FARP1: variants seen among roughly 807,000 people sequenced by gnomAD.
The protein encoded by FARP1 is FERM, ARH/RhoGEF and pleckstrin domain protein 1.
Under a neutral mutation model 128.8 loss-of-function variants are expected in FARP1, and 52 were observed. That is an observed-to-expected ratio of 0.40 (90% CI 0.32 to 0.51). The LOEUF is 0.51. FARP1 is among the 20% of genes least tolerant of loss of function. The probability of loss-of-function intolerance (pLI) is 0.45; values close to 1 mark genes in which losing one functional copy is unlikely to be tolerated. For synonymous variants in FARP1, 580 were observed against 551.8 expected (o/e 1.05, Z -0.72); for missense variants, 1,333 against 1,367.9 (o/e 0.97, Z 0.40).
At position 98,176,368 on chromosome 13, in the gene FARP1, C is replaced by T; in HGVS notation, c.-24+32876C>T. ...GCCGGTTGGCTGGTCACAGATGTAG[C>T]AGCGCGGGGTGGCCCGGAAGTGCTC... On this transcript the variant is annotated intron_variant, in intron 1 of 26. Coordinates refer to ENST00000319562, the MANE Select transcript of FARP1 (RefSeq NM_005766.4). This position sits in a 1 kb window ranked among gnomAD's most constrained non-coding sequence, Gnocchi z 6.2. 6.2e-7 allele frequency: 1 copy of T among 1,614,240 alleles called. No homozygotes were observed. The highest frequency in any genetic ancestry group is 8.5e-7 in the Non-Finnish European group (1 of 1,180,040).
intron 2 of FARP1, among the ~76,000 whole-genome samples, chr13:98,216,069 G>A (rs1463102103): frequency 1.3e-5 from 2 of 152,158 alleles, no homozygotes; most frequent in African/African-American, 4.8e-5. Flanking sequence ...GATTACAGGT[G>A]GGAGCCATCA....
At chr13:98,271,563 C>T (rs73556876) in intron 2 of FARP1, among the ~76,000 whole-genome samples, 4,313 of 152,226 alleles carry the variant, frequency 0.028, 179 homozygotes, top group African/African-American at 0.094. Context: ...CCTGCCCTTT[C>T]TCCCCACCCC....
At chr13:98,253,215 GA>G (rs1299691012) in intron 2 of FARP1, among the ~76,000 whole-genome samples, 1 of 152,216 alleles carries the variant, frequency 6.6e-6, no homozygotes, top group African/African-American at 2.4e-5. Flanking sequence ...AAGCATTAAG[GA>G]ATGCTGTTAA....
chr13:98,227,451 T>TGAA (rs1881860282), intron 2 of FARP1, among the ~76,000 whole-genome samples: 1 of 141,524 alleles, frequency 7.1e-6, no homozygotes, highest in African/African-American at 2.6e-5. Flanking sequence ...TGGCTACTAT[T>TGAA]AAAAAAAAAA....
chr13:98,389,866 C>G (rs760185277), intron 9 of FARP1, 91 bp from the exon 10 acceptor site: 2 of 1,283,306 alleles, frequency 1.6e-6, no homozygotes, highest in African/African-American at 1.5e-5. Flanking sequence ...AAAACTTTAT[C>G]GGACAAAGCT....
At chr13:98,321,835 C>T (rs1164821552) in intron 2 of FARP1, among the ~76,000 whole-genome samples, 1 of 152,214 alleles carries the variant, frequency 6.6e-6, no homozygotes, top group Non-Finnish European at 1.5e-5. Flanking sequence ...TTTGATGTCA[C>T]CACCTTCCAG....
chr13:98,188,771 AGAAGTCCCTGC>A (rs1222302023), intron 1 of FARP1, among the ~76,000 whole-genome samples: 5 of 152,138 alleles, frequency 3.3e-5, no homozygotes, highest in African/African-American at 1.2e-4. Context: ...CTTCCTTGAG[AGAAGTCCCTGC>A]GAAGTCCTCC....
At chr13:98,211,948 CACAGT>C (rs1279903960) in intron 1 of FARP1, among the ~76,000 whole-genome samples, 1 of 152,252 alleles carries the variant, frequency 6.6e-6, no homozygotes, top group Non-Finnish European at 1.5e-5. Flanking sequence ...TTAAGGGCAT[CACAGT>C]GCCTTCTCCA....
chr13:98,245,793 G>T (rs1883016008), intron 2 of FARP1, among the ~76,000 whole-genome samples: 1 of 151,952 alleles, frequency 6.6e-6, no homozygotes. Flanking sequence ...TTTGGAGAGG[G>T]AGTCTCACTC....
intron 24 of FARP1, among the ~76,000 whole-genome samples, chr13:98,444,134 T>C (rs1892673520): frequency 6.6e-6 from 1 of 151,556 alleles, no homozygotes; most frequent in South Asian, 2.1e-4. Context: ...ACTCCACCCA[T>C]GTTGCAGGGC....
At chr13:98,350,081 C>T (rs1158385548) in intron 3 of FARP1, among the ~76,000 whole-genome samples, 1 of 152,108 alleles carries the variant, frequency 6.6e-6, no homozygotes, top group Non-Finnish European at 1.5e-5. Flanking sequence ...CAGCCTGCAG[C>T]TGTGGGAAGC....
intron 2 of FARP1, among the ~76,000 whole-genome samples, chr13:98,313,932 C>T (rs951595891): frequency 2.0e-5 from 3 of 152,224 alleles, no homozygotes; most frequent in Admixed American, 6.5e-5. Flanking sequence ...TCATCATCAT[C>T]TAAACAAAGA....
rs762452335 is a variant in FARP1, at chr13:98,449,163, G to C, written c.*846G>C. 3 of 152,168 alleles carry C rather than the reference G, an allele frequency of 2.0e-5. No individual in the cohort carries two copies. The highest frequency in any genetic ancestry group is 4.4e-5 in the Non-Finnish European group (3 of 68,036). 9.4% of individuals were successfully genotyped at this position (152,168 alleles called of 1,614,324 possible). ...GTGTCATTGATCAGCACCATTTGTG[G>C]TATGTTCCGTGATGAGCGTTTAGTG... On this transcript the variant is annotated 3_prime_UTR_variant, in exon 27 of 27. Transcript: ENST00000319562.
chr13:98,362,473 C>T (rs191927606), intron 3 of FARP1, among the ~76,000 whole-genome samples: 154 of 152,286 alleles, frequency 1.0e-3, no homozygotes, highest in Non-Finnish European at 1.5e-3. Flanking sequence ...TCTTCCTTTG[C>T]GGACACTGTC....
At chr13:98,158,882 T>C (rs1278216293) in intron 1 of FARP1, among the ~76,000 whole-genome samples, 2 of 152,192 alleles carry the variant, frequency 1.3e-5, no homozygotes, top group African/African-American at 4.8e-5. Context: ...CCTGTTCACC[T>C]GGAGGAGCTA....
chr13:98,270,150 A>G (rs1229620871), intron 2 of FARP1, among the ~76,000 whole-genome samples: 1 of 152,214 alleles, frequency 6.6e-6, no homozygotes, highest in African/African-American at 2.4e-5. Context: ...TATCTTGAAT[A>G]CCAAGAAAAT....
At chr13:98,387,072 G>A (rs1331040257) in intron 8 of FARP1, among the ~76,000 whole-genome samples, 3 of 152,158 alleles carry the variant, frequency 2.0e-5, no homozygotes, top group Admixed American at 6.5e-5. Context: ...AGGCTGAGAC[G>A]GGTGGATCAC....
chr13:98,242,115 G>C (rs1882804815), intron 2 of FARP1, among the ~76,000 whole-genome samples: 1 of 152,008 alleles, frequency 6.6e-6, no homozygotes, highest in African/African-American at 2.4e-5. Flanking sequence ...GCATTGACAG[G>C]CTCTGCTTGC....
At position 98,228,735 on chromosome 13, in the gene FARP1, ATCT is replaced by A. The variant is rs553572722; in HGVS notation, c.171+15326_171+15328del. ...TTCTGTTCATTGATCCACTTACGGG[ATCT>A]TCTGCAGATTACCTAATTCTAAGGA... On this transcript the variant is annotated intron_variant, in intron 2 of 26. Transcript: ENST00000319562. 1.0e-3 allele frequency among the ~76,000 whole-genome samples: 159 copies of A among 152,232 alleles called. 1 individual carries two copies. Among genetic ancestry groups the A allele is most frequent in the African/African-American group, 2.9e-3 (121 of 41,524 alleles).
Sources: allele counts gnomAD v4.1 joint callset (sites outside exome capture counted in the v4.1 genomes callset), GRCh38; gene constraint gnomAD v4.1.1; non-coding constraint Gnocchi (gnomAD v3.1); transcripts MANE v1.5; gene names NCBI Gene and HGNC (gene_info 2026-07-23, HGNC 2026-07-21).